Variants in MDGA2 observed in about 807,000 individuals in gnomAD.
MDGA2 encodes the protein MAM domain-containing glycosylphosphatidylinositol anchor protein 2.
MDGA2 carries 40 observed loss-of-function variants against 117.8 expected under a neutral mutation model. The ratio of observed to expected loss-of-function variants is 0.34; its 90% CI spans 0.26 to 0.44. The LOEUF is 0.44. Among genes scored for constraint, MDGA2 ranks in the 20% least tolerant of loss-of-function variants. MDGA2 has a pLI of 1.00. For synonymous variants in MDGA2, 452 were observed against 439.0 expected (o/e 1.03, Z -0.37); for missense variants, 1,123 against 1,250.6 (o/e 0.90, Z 1.54).
chr14:46,876,641 A>C (rs1331962970), intron 12 of MDGA2, among the ~76,000 whole-genome samples: 1 of 151,374 alleles, frequency 6.6e-6, no homozygotes, highest in Non-Finnish European at 1.5e-5. Context: ...GGTCTTCAAA[A>C]TTTTGCTTTA....
chr14:47,167,944 T>C (rs1566660928), intron 3 of MDGA2, among the ~76,000 whole-genome samples: 1 of 152,180 alleles, frequency 6.6e-6, no homozygotes, highest in Non-Finnish European at 1.5e-5. Context: ...TTTTATTGCA[T>C]ATTTCCATTT....
intron 2 of MDGA2, among the ~76,000 whole-genome samples, chr14:47,241,365 C>G (rs1011445072): frequency 5.3e-5 from 8 of 151,944 alleles, no homozygotes; most frequent in Admixed American, 1.3e-4. Context: ...CATATTGCCT[C>G]AGGCTATTTT....
chr14:47,577,952 G>A (rs377387914), intron 1 of MDGA2, among the ~76,000 whole-genome samples: 10 of 151,970 alleles, frequency 6.6e-5, no homozygotes, highest in Admixed American at 2.6e-4. Context: ...ACCATCCTAC[G>A]GCAAAGACAC....
chr14:47,653,998 A>C (rs995541919), intron 1 of MDGA2, among the ~76,000 whole-genome samples: 3 of 152,204 alleles, frequency 2.0e-5, no homozygotes, highest in Non-Finnish European at 4.4e-5. Flanking sequence ...ATAGAGAACT[A>C]ATATTGCTTA....
intron 2 of MDGA2, among the ~76,000 whole-genome samples, chr14:47,286,100 G>A (rs1183792343): frequency 6.6e-6 from 1 of 151,778 alleles, no homozygotes; most frequent in African/African-American, 2.4e-5. Context: ...TAATTTTTAT[G>A]GATACCTAAT....
chr14:47,326,491 T>A (rs1436406424), intron 1 of MDGA2, among the ~76,000 whole-genome samples: 1 of 152,026 alleles, frequency 6.6e-6, no homozygotes, highest in Non-Finnish European at 1.5e-5. Flanking sequence ...CAATTATTCC[T>A]CTCTAGTACA....
intron 6 of MDGA2, among the ~76,000 whole-genome samples, chr14:47,082,156 C>T (rs1328079304): frequency 6.6e-6 from 1 of 152,012 alleles, no homozygotes; most frequent in Non-Finnish European, 1.5e-5. Context: ...CAAATATATT[C>T]AGTTCAAAGT....
chr14:47,119,304 C>A (rs1034281258), intron 5 of MDGA2, among the ~76,000 whole-genome samples: 2 of 151,460 alleles, frequency 1.3e-5, no homozygotes, highest in African/African-American at 4.8e-5. Context: ...TGGCCTCGTG[C>A]TCTGCCCGCC....
chr14:47,141,926 C>T (rs537965619), intron 4 of MDGA2, among the ~76,000 whole-genome samples: 78 of 152,164 alleles, frequency 5.1e-4, no homozygotes, highest in African/African-American at 1.7e-3. Flanking sequence ...ATGCTAAATA[C>T]CCTGATTTGA....
chr14:47,486,790 T>C (rs1200740231), intron 1 of MDGA2, among the ~76,000 whole-genome samples: 1 of 152,202 alleles, frequency 6.6e-6, no homozygotes, highest in Admixed American at 6.5e-5. Context: ...ATGTAAGACA[T>C]AACTTGCTCC....
At chr14:46,902,750 T>G (rs559399603) in intron 10 of MDGA2, among the ~76,000 whole-genome samples, 62 of 152,326 alleles carry the variant, frequency 4.1e-4, no homozygotes, top group African/African-American at 1.4e-3. Context: ...ATCTGCTGTA[T>G]GTTCAAGGTA....
At chr14:47,002,840 AT>A in intron 8 of MDGA2, among the ~76,000 whole-genome samples, 1 of 152,314 alleles carries the variant, frequency 6.6e-6, no homozygotes, top group East Asian at 1.9e-4. Flanking sequence ...TTGTTGAGGT[AT>A]AATTGACAAA....
intron 16 of MDGA2, among the ~76,000 whole-genome samples, chr14:46,844,941 G>A (rs1273845036): frequency 2.0e-5 from 3 of 152,138 alleles, no homozygotes; most frequent in Non-Finnish European, 2.9e-5. Context: ...GAGTGCAGTG[G>A]CGTGATCTTG....
At chr14:47,194,441 T>A (rs570637940) in intron 3 of MDGA2, among the ~76,000 whole-genome samples, 6 of 152,046 alleles carry the variant, frequency 3.9e-5, no homozygotes, top group South Asian at 4.2e-4. Context: ...ATATATATAT[T>A]TTTTTACAGT....
intron 6 of MDGA2, among the ~76,000 whole-genome samples, chr14:47,084,721 A>T (rs569966827): frequency 6.6e-6 from 1 of 152,154 alleles, no homozygotes; most frequent in South Asian, 2.1e-4. Flanking sequence ...TTACACCCAT[A>T]TAAGAGTTAC....
At chr14:46,922,868 G>A (rs1026659803) in intron 9 of MDGA2, among the ~76,000 whole-genome samples, 1 of 152,192 alleles carries the variant, frequency 6.6e-6, no homozygotes, top group African/African-American at 2.4e-5. Flanking sequence ...AGAGACATCA[G>A]ATAATGCGGA....
Position 47,611,352 on chromosome 14 carries a change from A to G in MDGA2, c.280+63165T>C, listed in dbSNP as rs551202223. On this transcript the variant is annotated intron_variant, in intron 1 of 16. Transcript: ENST00000399232. ...GCAAATGCAATAAAAACAAAGATAA[A>G]TAGCTGGGACTTAATTAACCTAAAG... Among the ~76,000 whole-genome samples the G allele has an allele frequency of 2.8e-4, 42 of 152,238 alleles. 1 individual carries two copies. The highest frequency in any genetic ancestry group is 1.3e-4 in the Non-Finnish European group (9 of 67,998).
At chr14:46,928,573 C>A (rs1167599191) in intron 9 of MDGA2, among the ~76,000 whole-genome samples, 2 of 152,124 alleles carry the variant, frequency 1.3e-5, no homozygotes, top group Admixed American at 1.3e-4. Context: ...GAACTTTCCA[C>A]ATGATTTCAC....
intron 1 of MDGA2, among the ~76,000 whole-genome samples, chr14:47,507,532 TA>T (rs1894539944): frequency 6.6e-6 from 1 of 152,148 alleles, no homozygotes; most frequent in African/African-American, 2.4e-5. Context: ...TGATCCTAAC[TA>T]AAAAAGAGCT....
Sources: allele counts gnomAD v4.1 joint callset (sites outside exome capture counted in the v4.1 genomes callset), GRCh38; gene constraint gnomAD v4.1.1; transcripts MANE v1.5; gene names NCBI Gene and HGNC (gene_info 2026-07-23, HGNC 2026-07-21).